The following NXNL1 variants were observed in gnomAD, a reference collection of about 807,000 sequenced individuals.
NXNL1 encodes the protein nucleoredoxin-like protein 1.
In NXNL1, 6 loss-of-function variants were observed where a neutral mutation model predicts 7.2. The observed-to-expected ratio is 0.83, with a 90% CI of 0.46 to 1.64. The LOEUF (loss-of-function observed/expected upper bound fraction) is 1.64, where lower values mean the gene tolerates loss of function less well. NXNL1 is among the 40% of genes most tolerant of loss of function. NXNL1 has a pLI of 0.01. For missense variants in NXNL1, 308 were observed against 285.1 expected (o/e 1.08, Z -0.58); for synonymous variants, 133 against 127.2 (o/e 1.05, Z -0.31).
intron 1 of NXNL1, among the ~76,000 whole-genome samples, chr19:17,456,356 G>T (rs2074993509): frequency 7.8e-6 from 1 of 127,982 alleles, no homozygotes; most frequent in Non-Finnish European, 1.7e-5. Flanking sequence ...GGGTGTGGTG[G>T]TGCGCTCCTG....
At chr19:17,457,092 CTT>C (rs2074996009) in intron 1 of NXNL1, among the ~76,000 whole-genome samples, 1 of 91,550 alleles carries the variant, frequency 1.1e-5, no homozygotes, top group Non-Finnish European at 2.7e-5. Flanking sequence ...CACTCCCTCT[CTT>C]AAAAAAAAAA....
chr19:17,456,127 C>T (rs1005541662), intron 1 of NXNL1, among the ~76,000 whole-genome samples, 168 bp from the exon 2 acceptor site: 1 of 151,998 alleles, frequency 6.6e-6, no homozygotes, highest in Non-Finnish European at 1.5e-5. Context: ...ACACTTTGGT[C>T]CCCGCGCTTT....
At chr19:17,458,093 C>A (rs1008849078) in intron 1 of NXNL1, among the ~76,000 whole-genome samples, 4 of 151,988 alleles carry the variant, frequency 2.6e-5, no homozygotes, top group Middle Eastern at 3.2e-3. Context: ...TCTATAGACA[C>A]GTATTTGTAT....
chr19:17,455,805 G>T lies in NXNL1; in HGVS notation c.481C>A (p.Arg161Ser), dbSNP rs759915100. 1.9e-6 allele frequency: 3 copies of T among 1,569,268 alleles called. No homozygotes were observed. In the East Asian group the frequency reaches 7.0e-5, roughly 37 times the overall value. ...NWQEAAEVLD[R>S]NFQLPEDLED... ...AGGTCCTCTGGCAGCTGGAAGTTGC[G>T]GTCCAGCACCTCGGCCGCCTCCTGC... is the stretch of plus-strand genomic sequence containing the variant. Residue 161 changes from arginine to serine, a missense_variant, in exon 2 of 2, where the codon CGC (arginine) becomes AGC (serine). Transcript: ENST00000301944.
chr19:17,457,006 C>T (rs1209975126), intron 1 of NXNL1, among the ~76,000 whole-genome samples: 5 of 151,404 alleles, frequency 3.3e-5, no homozygotes, highest in East Asian at 1.9e-4. Context: ...GCCCAGATCA[C>T]GCCACTGCAC....
chr19:17,460,889 TG>T lies in NXNL1; in HGVS notation c.-21del. On this transcript the variant is annotated 5_prime_UTR_variant, in exon 1 of 2. Transcript: ENST00000301944. ...GGCCATGGTAACCTGGGTTGGGTGC[TG>T]GGGACAGCGCGGCGTGTGGTCCCCG... 6.2e-7 allele frequency: 1 copy of T among 1,610,706 alleles called. No homozygotes were observed. Among genetic ancestry groups the T allele is most frequent in the East Asian group, 2.2e-5 (1 of 44,878 alleles).
rs771060842 is a variant in NXNL1, at chr19:17,460,735, T to C, written c.135A>G (p.Pro45=). 3.1e-6 allele frequency: 5 copies of C among 1,613,718 alleles called. No homozygotes were observed. Among genetic ancestry groups the C allele is most frequent in the Non-Finnish European group, 4.2e-6 (5 of 1,180,032 alleles). Residue 45 remains proline, a synonymous_variant, in exon 1 of 2, where the codon CCA becomes CCG. Coordinates refer to ENST00000301944, the MANE Select transcript of NXNL1 (RefSeq NM_138454.2). ...VLLFFGAGAC[P]QCQAFVPILK... Reference sequence around the variant, plus strand: ...GGATGGGCACGAAGGCCTGGCACTGTGGACAAGCCCCAGCACCAAAGAACA... The same window carrying C: ...GGATGGGCACGAAGGCCTGGCACTGCGGACAAGCCCCAGCACCAAAGAACA...
At chr19:17,459,471 G>T (rs1357296081) in intron 1 of NXNL1, among the ~76,000 whole-genome samples, 1 of 151,862 alleles carries the variant, frequency 6.6e-6, no homozygotes, top group Non-Finnish European at 1.5e-5. Flanking sequence ...AGGCTGGAGT[G>T]CAGTGGCACC....
Position 17,455,663 on chromosome 19 carries a change from G to GCCCCCCCCCC in NXNL1, c.622_623insGGGGGGGGGG (p.Ala208GlyfsTer12). On this transcript the variant is annotated frameshift_variant, in exon 2 of 2. Transcript: ENST00000301944. LOFTEE classifies it high-confidence loss of function. ...CCTAGCGGGTCAGAACAGCCCCCCGGCCCCGCCCTCCTCCCCACCCCCTCC... is the reference window on the plus strand; with the variant it reads ...CCTAGCGGGTCAGAACAGCCCCCCGGCCCCCCCCCCCCCCGCCCTCCTCCCCACCCCCTCC... 20 of 771,670 alleles carry GCCCCCCCCCC rather than the reference G, an allele frequency of 2.6e-5. No individual in the cohort carries two copies. The highest frequency in any genetic ancestry group is 5.5e-5 in the East Asian group (2 of 36,236). The allele number at this position is 771,670 out of a possible 1,614,324, so 47.8% of individuals were successfully genotyped here. A position where few individuals can be genotyped will look rare whatever the true frequency, so the allele number is the denominator to read the frequency against.
In NXNL1 at chr19:17,455,599, G is replaced by C. The variant is rs1734243440; in HGVS notation, c.*48C>G. 8.6e-7 allele frequency: 1 copy of C among 1,156,676 alleles called. No individual in the cohort carries two copies. The highest frequency in any genetic ancestry group is 1.5e-5 in the African/African-American group (1 of 65,326). The allele number at this position is 1,156,676 out of a possible 1,614,324, so 71.7% of individuals were successfully genotyped here. ...TACAGGCGTGCGGGGGTGGGGTGGG[G>C]GTGGAGGTTCATCAACAAACCCCAC... On this transcript the variant is annotated 3_prime_UTR_variant, in exon 2 of 2. Coordinates refer to ENST00000301944, the MANE Select transcript of NXNL1 (RefSeq NM_138454.2).
chr19:17,460,016 T>G (rs1169962405), intron 1 of NXNL1, among the ~76,000 whole-genome samples: 2 of 151,700 alleles, frequency 1.3e-5, no homozygotes, highest in Non-Finnish European at 2.9e-5. Flanking sequence ...TATATATTTG[T>G]TTTTTGATTT....
At chr19:17,456,076 G>A in intron 1 of NXNL1, 117 bp from the exon 2 acceptor site, 3 of 1,502,376 alleles carry the variant, frequency 2.0e-6, no homozygotes, top group Non-Finnish European at 2.7e-6. Context: ...GCCTCTTGCC[G>A]GGCACTGGGT....
chr19:17,460,904 G>A lies in NXNL1; in HGVS notation c.-35C>T, dbSNP rs200603341. ...GGTTGGGTGCTGGGGACAGCGCGGC[G>A]TGTGGTCCCCGGTCTGCTGACTGGC... is the stretch of plus-strand genomic sequence containing the variant. On this transcript the variant is annotated 5_prime_UTR_variant, in exon 1 of 2. The change creates a new upstream start codon in the 5' untranslated region. Transcript: ENST00000301944. 1.2e-5 allele frequency: 20 copies of A among 1,600,574 alleles called. No homozygotes were observed. Among genetic ancestry groups the A allele is most frequent in the African/African-American group, 5.3e-5 (4 of 74,908 alleles).
chr19:17,457,563 T>C (rs922186948), intron 1 of NXNL1, among the ~76,000 whole-genome samples: 3 of 151,780 alleles, frequency 2.0e-5, no homozygotes, highest in African/African-American at 7.3e-5. Context: ...TGTAAAGATA[T>C]GGTCTTGCTA....
chr19:17,459,995 C>T (rs1400470040), intron 1 of NXNL1, among the ~76,000 whole-genome samples: 1 of 151,654 alleles, frequency 6.6e-6, no homozygotes, highest in African/African-American at 2.4e-5. Context: ...AGCACTACTG[C>T]AATTCGCTAT....
chr19:17,457,984 G>A (rs2074998976), intron 1 of NXNL1, among the ~76,000 whole-genome samples: 1 of 152,150 alleles, frequency 6.6e-6, no homozygotes, highest in African/African-American at 2.4e-5. Context: ...ATGTCATGAA[G>A]TCTGCAACTC....
chr19:17,456,406 C>T lies in NXNL1; in HGVS notation c.327-447G>A, dbSNP rs546574415. 1.8e-3 allele frequency among the ~76,000 whole-genome samples: 272 copies of T among 152,066 alleles called. 1 individual carries two copies. Among genetic ancestry groups the T allele is most frequent in the African/African-American group, 6.2e-3 (259 of 41,492 alleles). On this transcript the variant is annotated intron_variant, in intron 1 of 1. Transcript: ENST00000301944. ...CAGGAGGCCGAGGTACCTGGGACTT[C>T]CCTCGAGAAGTATCCCTTGAGCCCA...
In NXNL1 at chr19:17,455,698, G is replaced by GC; in HGVS notation, c.587dup (p.Asp197ArgfsTer20). Reference sequence around the variant, plus strand: ...CCTCCCCACCCCCTCCCCCGGGGTCGCGCCCGCCTCGCGCCGCCTTTTCCA... The same window carrying GC: ...CCTCCCCACCCCCTCCCCCGGGGTCGCCGCCCGCCTCGCGCCGCCTTTTCCA... On this transcript the variant is annotated frameshift_variant, in exon 2 of 2. Transcript: ENST00000301944. LOFTEE classifies it low-confidence loss of function (END_TRUNC). The GC allele has an allele frequency of 7.2e-7, 1 of 1,392,204 alleles. No homozygotes were observed. The highest frequency in any genetic ancestry group is 9.4e-7 in the Non-Finnish European group (1 of 1,060,940). 86.2% of individuals were successfully genotyped at this position (1,392,204 alleles called of 1,614,324 possible). A position where few individuals can be genotyped will look rare whatever the true frequency, so the allele number is the denominator to read the frequency against.
intron 1 of NXNL1, among the ~76,000 whole-genome samples, chr19:17,459,939 G>T (rs552168375): frequency 2.0e-5 from 3 of 152,044 alleles, no homozygotes; most frequent in Non-Finnish European, 4.4e-5. Flanking sequence ...CCTCACCAAG[G>T]TTTCCCTCAT....
Sources: allele counts gnomAD v4.1 joint callset (sites outside exome capture counted in the v4.1 genomes callset), GRCh38; gene constraint gnomAD v4.1.1; transcripts MANE v1.5; gene names NCBI Gene and HGNC (gene_info 2026-07-23, HGNC 2026-07-21).